The following KLHL1 variants were observed in gnomAD, a reference collection of about 807,000 sequenced individuals.
KLHL1 encodes the protein kelch-like protein 1.
Under a neutral mutation model 77.7 loss-of-function variants are expected in KLHL1, and 47 were observed. The observed-to-expected ratio is 0.60, with a 90% confidence interval of 0.48 to 0.77. The LOEUF is 0.77. Ranked by LOEUF, KLHL1 falls within the 30% of genes least tolerant of loss-of-function variation. The pLI is 0.00. For missense variants in KLHL1, 925 were observed against 910.8 expected (o/e 1.02, Z -0.20); for synonymous variants, 360 against 325.2 (o/e 1.11, Z -1.15).
intron 7 of KLHL1, among the ~76,000 whole-genome samples, chr13:69,748,319 C>A (rs1026580532): frequency 3.3e-5 from 5 of 151,978 alleles, no homozygotes; most frequent in African/African-American, 7.2e-5. Flanking sequence ...TTTAATTTGA[C>A]TTTCAGTTGC....
At chr13:70,084,402 A>T (rs990073331) in intron 1 of KLHL1, among the ~76,000 whole-genome samples, 2 of 151,492 alleles carry the variant, frequency 1.3e-5, no homozygotes, top group Middle Eastern at 3.2e-3. Context: ...GAAAGCATGA[A>T]ATATATTTCT....
At chr13:70,049,580 T>G (rs1324608653) in intron 1 of KLHL1, among the ~76,000 whole-genome samples, 1 of 152,220 alleles carries the variant, frequency 6.6e-6, no homozygotes, top group Non-Finnish European at 1.5e-5. Flanking sequence ...TATTACATAC[T>G]AATATAGGCT....
chr13:69,773,863 C>CTATATATATATATATATATATA (rs72007331), intron 7 of KLHL1, among the ~76,000 whole-genome samples: 52 of 146,032 alleles, frequency 3.6e-4, no homozygotes, highest in African/African-American at 1.2e-3. Flanking sequence ...AAGTCCTTGG[C>CTATATATATATATATATATATA]TATATATATA....
chr13:69,848,030 C>G (rs1476608661), intron 5 of KLHL1, among the ~76,000 whole-genome samples: 1 of 151,434 alleles, frequency 6.6e-6, no homozygotes, highest in African/African-American at 2.4e-5. Context: ...GAACCCTGAG[C>G]CTATTTAAGG....
intron 1 of KLHL1, among the ~76,000 whole-genome samples, chr13:70,040,641 A>G (rs1434098638): frequency 6.6e-6 from 1 of 151,674 alleles, no homozygotes; most frequent in African/African-American, 2.4e-5. Flanking sequence ...CAAATTTTCT[A>G]TTTGTCTTTA....
intron 1 of KLHL1, among the ~76,000 whole-genome samples, chr13:70,077,266 G>A (rs1178468942): frequency 1.3e-5 from 2 of 151,914 alleles, no homozygotes; most frequent in Non-Finnish European, 2.9e-5. Context: ...TACAAAAAGT[G>A]TAATTCAACA....
At chr13:69,739,858 G>T (rs145320191) in intron 8 of KLHL1, among the ~76,000 whole-genome samples, 1 of 152,132 alleles carries the variant, frequency 6.6e-6, no homozygotes, top group South Asian at 2.1e-4. Flanking sequence ...GGGGATAGTA[G>T]ACAATATCTG....
intron 4 of KLHL1, among the ~76,000 whole-genome samples, chr13:69,918,173 T>C (rs1444437169): frequency 6.6e-6 from 1 of 152,112 alleles, no homozygotes; most frequent in Non-Finnish European, 1.5e-5. Flanking sequence ...TGATTGTTTA[T>C]CTGAAATAAA....
intron 7 of KLHL1, among the ~76,000 whole-genome samples, chr13:69,748,740 C>T (rs1163760156): frequency 2.0e-5 from 3 of 151,738 alleles, no homozygotes; most frequent in Admixed American, 1.3e-4. Context: ...AAATGATAAA[C>T]TTTTAATAAA....
chr13:69,921,373 CA>C (rs1378053278), intron 4 of KLHL1, among the ~76,000 whole-genome samples: 1 of 152,162 alleles, frequency 6.6e-6, no homozygotes, highest in African/African-American at 2.4e-5. Flanking sequence ...TCTTGCACAG[CA>C]GTGGTTCAGG....
At chr13:70,100,924 T>C (rs1887909082) in intron 1 of KLHL1, among the ~76,000 whole-genome samples, 1 of 152,192 alleles carries the variant, frequency 6.6e-6, no homozygotes, top group South Asian at 2.1e-4. Flanking sequence ...CCCGTTTTTA[T>C]GCTCAGAAAC....
At chr13:69,783,050 T>C (rs1876314300) in intron 7 of KLHL1, among the ~76,000 whole-genome samples, 3 of 152,226 alleles carry the variant, frequency 2.0e-5, no homozygotes, top group Admixed American at 2.0e-4. Context: ...CCACCGCTGC[T>C]GATACCCAGG....
At chr13:69,898,992 T>A (rs2138222785) in intron 4 of KLHL1, among the ~76,000 whole-genome samples, 1 of 149,070 alleles carries the variant, frequency 6.7e-6, no homozygotes, top group South Asian at 2.1e-4. Flanking sequence ...CTGCAATTGA[T>A]ATCACAAATG....
At chr13:69,901,376 A>G (rs1881851169) in intron 4 of KLHL1, among the ~76,000 whole-genome samples, 1 of 152,218 alleles carries the variant, frequency 6.6e-6, no homozygotes, top group South Asian at 2.1e-4. Context: ...AGTACTAAGG[A>G]CTAGAGTAGG....
chr13:70,097,109 A>C (rs1252139059), intron 1 of KLHL1, among the ~76,000 whole-genome samples: 1 of 152,044 alleles, frequency 6.6e-6, no homozygotes, highest in Non-Finnish European at 1.5e-5. Context: ...GGTAATTAGC[A>C]TACATTATGG....
intron 7 of KLHL1, among the ~76,000 whole-genome samples, chr13:69,789,435 A>G (rs553025172): frequency 3.9e-4 from 60 of 152,240 alleles, no homozygotes; most frequent in African/African-American, 1.3e-3. Flanking sequence ...GGAATCTGAG[A>G]TTAAATCCAA....
chr13:69,719,766 G>A (rs75332247), intron 8 of KLHL1, among the ~76,000 whole-genome samples, 185 bp from the exon 9 acceptor site: 6,308 of 151,660 alleles, frequency 0.042, 196 homozygotes, highest in Non-Finnish European at 0.065. Flanking sequence ...TTCTATTTTT[G>A]TATAGAAATT....
intron 1 of KLHL1, among the ~76,000 whole-genome samples, chr13:69,979,634 T>C (rs1353420131): frequency 6.6e-6 from 1 of 152,142 alleles, no homozygotes; most frequent in African/African-American, 2.4e-5. Context: ...TGAAAAAAAC[T>C]TTACAGTTTC....
At chr13:69,900,973 A>G (rs1483191584) in intron 4 of KLHL1, among the ~76,000 whole-genome samples, 1 of 152,176 alleles carries the variant, frequency 6.6e-6, no homozygotes, top group Admixed American at 6.5e-5. Context: ...ACCTTGGTCC[A>G]TTAGCTTTGT....
Sources: gnomAD v4.1 joint callset for allele counts (sites outside exome capture counted in the v4.1 genomes callset) on GRCh38, gnomAD v4.1.1 for gene constraint, MANE v1.5 for transcripts, NCBI Gene and HGNC (gene_info 2026-07-23, HGNC 2026-07-21) for gene names.